PTCH2: variants seen among roughly 807,000 people sequenced by gnomAD.
The protein encoded by PTCH2 is protein patched homolog 2.
Under a neutral mutation model 117.9 loss-of-function variants are expected in PTCH2, and 96 were observed. The observed-to-expected ratio is 0.81, with a 90% CI of 0.69 to 0.96. The LOEUF (loss-of-function observed/expected upper bound fraction) is 0.96. Ranked by LOEUF, PTCH2 falls within the 50% of genes least tolerant of loss-of-function variation. The pLI, the probability that PTCH2 is intolerant of heterozygous loss-of-function variation, is 0.00. For missense variants in PTCH2, 1,379 were observed against 1,562.5 expected (o/e 0.88, Z 1.98); for synonymous variants, 615 against 660.9 (o/e 0.93, Z 1.06).
At chr1:44,838,173 C>T (rs1441868353) in intron 2 of PTCH2, among the ~76,000 whole-genome samples, 1 of 152,036 alleles carries the variant, frequency 6.6e-6, no homozygotes, top group Non-Finnish European at 1.5e-5. Flanking sequence ...TGAACAAGAA[C>T]TGAGGCTGAC....
chr1:44,833,913 C>T (rs746989584), intron 2 of PTCH2, among the ~76,000 whole-genome samples: 16 of 152,244 alleles, frequency 1.1e-4, no homozygotes, highest in Admixed American at 6.5e-4. Context: ...GCTGGGATTA[C>T]AGGTGTGAGT....
chr1:44,836,524 G>A lies in PTCH2; in HGVS notation c.266-4183C>T, dbSNP rs11573558. On this transcript the variant is annotated intron_variant, in intron 2 of 21. Coordinates refer to ENST00000372192, the MANE Select transcript of PTCH2 (RefSeq NM_003738.5). Reference sequence around the variant, plus strand: ...AGAGGTTGAGACTAGCTTGGCCAACGTGGTGAAACCCTGTCTTTACTAAAA... The same window carrying A: ...AGAGGTTGAGACTAGCTTGGCCAACATGGTGAAACCCTGTCTTTACTAAAA... 1.4e-3 allele frequency among the ~76,000 whole-genome samples: 206 copies of A among 152,210 alleles called. 2 individuals carry two copies. In the East Asian group the frequency reaches 0.035, roughly 26 times the overall value.
Position 44,826,364 on chromosome 1 carries a change from T to A in PTCH2, c.3000A>T (p.Thr1000=), listed in dbSNP as rs1346977329. The A allele has an allele frequency of 1.9e-6, 3 of 1,613,968 alleles. No homozygotes were observed. The highest frequency in any genetic ancestry group is 2.5e-6 in the Non-Finnish European group (3 of 1,180,040). ...AACCCATGATACCAAAGAGTTCCACTGTCATCATCGCCAGGACCAGCACCT... is the reference window on the plus strand; with the variant it reads ...AACCCATGATACCAAAGAGTTCCACAGTCATCATCGCCAGGACCAGCACCT... The part of the protein sequence containing the change: ...GLIVLVLAMM[T]VELFGIMGFL... Residue 1000 remains threonine, a synonymous_variant, in exon 19 of 22, where the codon ACA becomes ACT. Transcript: ENST00000372192. The surrounding 1 kb of genome is among the most constrained non-coding windows in gnomAD (Gnocchi z 5.1).
chr1:44,822,438 C>T lies in PTCH2; in HGVS notation c.3589G>A (p.Gly1197Arg), dbSNP rs55651071. Residue 1197 changes from glycine (G) to arginine (R), a missense_variant, in exon 22 of 22, where the codon GGA becomes AGA. Coordinates refer to ENST00000372192, the MANE Select transcript of PTCH2 (RefSeq NM_003738.5). ...ATSSGNLSSR[G>R]PGPATG ...TTTCACCCAGTGGCTGGACCTGGTC[C>T]CCTGGAACTGAGGTTGCCAGAGCTA... is the stretch of plus-strand genomic sequence containing the variant. The T allele has an allele frequency of 6.9e-5, 112 of 1,613,880 alleles. No individual in the cohort carries two copies. The East Asian group carries it at 2.3e-3, about 33-fold the overall frequency.
At chr1:44,820,855 C>G (rs1407973481), downstream of PTCH2, among the ~76,000 whole-genome samples, 1 of 152,056 alleles carries the variant, frequency 6.6e-6, no homozygotes, top group African/African-American at 2.4e-5. Flanking sequence ...TCTTGGTGAC[C>G]CAAACACTGC....
In PTCH2 at chr1:44,832,062, A is replaced by G. The variant is rs753648964; in HGVS notation, c.456-18T>C. The G allele has an allele frequency of 2.7e-5, 44 of 1,612,438 alleles. No homozygotes were observed. Among genetic ancestry groups the G allele is most frequent in the Non-Finnish European group, 3.4e-5 (40 of 1,178,650 alleles). On this transcript the variant is annotated intron_variant, in intron 3 of 21. Coordinates refer to ENST00000372192, the MANE Select transcript of PTCH2 (RefSeq NM_003738.5). ...CCCAGGACCTGCAATAGCCAGGGGC[A>G]TAGGAGATCAGCAGAAGAAGGGGAT...
chr1:44,827,815 G>C, intron 14 of PTCH2, 28 bp downstream of exon 14: 1 of 1,613,312 alleles, frequency 6.2e-7, no homozygotes. Flanking sequence ...GAGATGCTAA[G>C]TCTCTGCCCT....
At position 44,828,528 on chromosome 1, in the gene PTCH2, G is replaced by A. The variant is rs200216295; in HGVS notation, c.1568C>T (p.Ala523Val). The change falls in exon 12 of 22, where the codon GCG (alanine) becomes GTG (valine). Residue 523 changes from alanine (A) to valine (V), a missense_variant. Coordinates refer to ENST00000372192, the MANE Select transcript of PTCH2 (RefSeq NM_003738.5). ...CACCTGTAGGGAGAAGGCTCGCAGC[G>A]CAGGGATGGGAACGAGGGCAGCCAT... ...FLMAALVPIP[A>V]LRAFSLQAAI... 82 of 1,614,004 alleles carry A rather than the reference G, an allele frequency of 5.1e-5. No homozygotes were observed. The highest frequency in any genetic ancestry group is 8.3e-5 in the Admixed American group (5 of 59,992).
At chr1:44,833,063 GTGTCCAGATCCTTTTCACCGCCCTCAC>G (rs1653529543) in intron 2 of PTCH2, among the ~76,000 whole-genome samples, 2 of 152,124 alleles carry the variant, frequency 1.3e-5, no homozygotes, top group Admixed American at 1.3e-4. Context: ...GGGGAGGGAG[GTGTCCAGATCCTTTTCACCGCCCTCAC>G]TGTCCAGACC....
In PTCH2 at chr1:44,841,919, C is replaced by T; in HGVS notation, c.193G>A (p.Ala65Thr). ...CGKVLFLGLL[A>T]FGALALGLRM... ...AGACCTAATGCCAGGGCCCCAAAGG[C>T]CAACAGTCCCAGAAAGAGCACTTTG... Residue 65 changes from alanine (A) to threonine (T), a missense_variant, in exon 2 of 22, where the codon GCC becomes ACC. By Grantham distance (58) the Ala-to-Thr change is moderately conservative. Transcript: ENST00000372192. The T allele has an allele frequency of 6.2e-7, 1 of 1,614,208 alleles. No individual in the cohort carries two copies. Among genetic ancestry groups the T allele is most frequent in the Non-Finnish European group, 8.5e-7 (1 of 1,180,038 alleles).
rs866056830 is a variant in PTCH2, at chr1:44,827,950, C to G, written c.1951G>C (p.Glu651Gln). ...STRDLLGQEE[E>Q]TRQKAACKSL... ...TTGCAGGCTGCCTTCTGCCTTGTCT[C>G]CTCCTCCTGGCCTAGAAGGTCCCGT... The change falls in exon 14 of 22, where the codon GAG (glutamate) becomes CAG (glutamine). Residue 651 changes from glutamate (E) to glutamine (Q), a missense_variant. Transcript: ENST00000372192. 2 of 1,614,198 alleles carry G rather than the reference C, an allele frequency of 1.2e-6. No individual in the cohort carries two copies. The highest frequency in any genetic ancestry group is 2.2e-5 in the South Asian group (2 of 91,088).
Position 44,831,717 on chromosome 1 carries a change from G to T in PTCH2, c.606C>A (p.Ser202=). 1 of 1,560,138 alleles carries T rather than the reference G, an allele frequency of 6.4e-7. No individual in the cohort carries two copies. Among genetic ancestry groups the T allele is most frequent in the Non-Finnish European group, 8.7e-7 (1 of 1,152,034 alleles). Residue 202 remains serine, a synonymous_variant, in exon 5 of 22, where the codon TCC becomes TCA. Transcript: ENST00000372192. This position sits in a 1 kb window ranked among gnomAD's most constrained non-coding sequence, Gnocchi z 4.3. ...GGAGTGGCACTCACGGCAGGTAGGC[G>T]GAGCCCCCTTGGAGTTTGGCTCCCT... ...FWEGAKLQGG[S]AYLPGRPDIQ...
chr1:44,825,142 T>G (rs568638735), intron 19 of PTCH2, among the ~76,000 whole-genome samples: 2 of 152,138 alleles, frequency 1.3e-5, no homozygotes, highest in East Asian at 3.9e-4. Flanking sequence ...TCTCTTCTTT[T>G]TTTTCTTTTT....
chr1:44,828,883 G>C, intron 11 of PTCH2, 99 bp downstream of exon 11: 1 of 1,335,202 alleles, frequency 7.5e-7, no homozygotes, highest in Admixed American at 2.0e-5. Flanking sequence ...GGGACAAGAG[G>C]CACCGAGGTT....
At chr1:44,822,957 C>G (rs1001608519) in intron 21 of PTCH2, 112 bp downstream of exon 21, 1 of 1,223,382 alleles carries the variant, frequency 8.2e-7, no homozygotes, top group Non-Finnish European at 1.2e-6. Flanking sequence ...GCTGGTGGCA[C>G]CTGTTGGGGA....
chr1:44,826,830 T>G lies in PTCH2; in HGVS notation c.2696-62A>C, dbSNP rs1288944308. The G allele has an allele frequency of 6.2e-7, 1 of 1,609,818 alleles. No homozygotes were observed. The highest frequency in any genetic ancestry group is 8.5e-7 in the Non-Finnish European group (1 of 1,177,186). On this transcript the variant is annotated intron_variant, in intron 17 of 21. Coordinates refer to ENST00000372192, the MANE Select transcript of PTCH2 (RefSeq NM_003738.5). The surrounding 1 kb of genome is among the most constrained non-coding windows in gnomAD (Gnocchi z 5.1). ...ACAGGGCGGTGAGCACGGGGCAGAG[T>G]GGGCAGGGCCTCAGGCTCAGGGCTT...
chr1:44,843,047 C>T lies in PTCH2; in HGVS notation c.-115G>A. The T allele has an allele frequency of 7.0e-7, 1 of 1,429,234 alleles. No individual in the cohort carries two copies. The highest frequency in any genetic ancestry group is 9.1e-7 in the Non-Finnish European group (1 of 1,095,766). 88.5% of individuals were successfully genotyped at this position (1,429,234 alleles called of 1,614,324 possible). A position where few individuals can be genotyped will look rare whatever the true frequency, so the allele number is the denominator to read the frequency against. ...CCGCGTAGGGATTCAGTGGGGCCGC[C>T]AAGGCGCGGGCGTGGGAGAGACTGT... On this transcript the variant is annotated 5_prime_UTR_variant, in exon 1 of 22. Coordinates refer to ENST00000372192, the MANE Select transcript of PTCH2 (RefSeq NM_003738.5).
chr1:44,837,709 T>G (rs1226220384), intron 2 of PTCH2, among the ~76,000 whole-genome samples: 1 of 152,004 alleles, frequency 6.6e-6, no homozygotes, highest in Non-Finnish European at 1.5e-5. Context: ...CTAAAAGCAT[T>G]CTAAATGATA....
At chr1:44,819,871 A>C (rs982161799), downstream of PTCH2, 1 of 153,040 alleles carries the variant, frequency 6.5e-6, no homozygotes, top group Non-Finnish European at 1.5e-5. Context: ...AACTTTTAAT[A>C]CTTAAAAATG....
Sources: gnomAD v4.1 joint callset for allele counts (sites outside exome capture counted in the v4.1 genomes callset) on GRCh38, gnomAD v4.1.1 for gene constraint, Gnocchi (gnomAD v3.1) non-coding constraint, MANE v1.5 for transcripts, NCBI Gene and HGNC (gene_info 2026-07-23, HGNC 2026-07-21) for gene names.